Variants in DYNC1I1 observed in about 807,000 individuals in gnomAD.
The protein encoded by DYNC1I1 is dynein cytoplasmic 1 intermediate chain 1.
In DYNC1I1, 43 loss-of-function variants were observed where a neutral mutation model predicts 86.6. The ratio of observed to expected loss-of-function variants is 0.50; its 90% CI spans 0.39 to 0.64. The LOEUF is 0.64. DYNC1I1 is among the 30% of genes least tolerant of loss of function. The probability of loss-of-function intolerance (pLI) is 0.00; values close to 1 mark genes in which losing one functional copy is unlikely to be tolerated. For missense variants in DYNC1I1, 604 were observed against 788.8 expected (o/e 0.77, Z 2.81); for synonymous variants, 262 against 283.7 (o/e 0.92, Z 0.77).
intron 2 of DYNC1I1, among the ~76,000 whole-genome samples, chr7:95,808,619 C>T (rs1385042731): frequency 6.6e-6 from 1 of 152,164 alleles, no homozygotes; most frequent in Non-Finnish European, 1.5e-5. Flanking sequence ...CGAATTGCTG[C>T]AAGGTAGAAT....
At chr7:96,087,641 C>G (rs574372436) in intron 16 of DYNC1I1, among the ~76,000 whole-genome samples, 5 of 152,244 alleles carry the variant, frequency 3.3e-5, no homozygotes, top group African/African-American at 4.8e-5. Flanking sequence ...CCAGTGATAC[C>G]AAACATCCAG....
intron 12 of DYNC1I1, among the ~76,000 whole-genome samples, chr7:96,033,287 C>G (rs1460022343): frequency 2.6e-5 from 4 of 152,128 alleles, no homozygotes; most frequent in South Asian, 2.1e-4. Context: ...CCTGTCATTC[C>G]TTGCTCAGTA....
chr7:95,813,106 TTC>T, intron 3 of DYNC1I1, 139 bp from the exon 4 acceptor site: 10 of 1,413,152 alleles, frequency 7.1e-6, no homozygotes, highest in South Asian at 1.5e-5. Context: ...TTTTTTTTTT[TTC>T]TTTATCCCAT....
At chr7:95,900,012 C>G (rs1790995276) in intron 6 of DYNC1I1, among the ~76,000 whole-genome samples, 1 of 152,146 alleles carries the variant, frequency 6.6e-6, no homozygotes, top group South Asian at 2.1e-4. Flanking sequence ...AAGGAGGTAT[C>G]TGTTCCATGG....
chr7:95,818,062 G>A (rs13244429), intron 4 of DYNC1I1, among the ~76,000 whole-genome samples: 11,721 of 152,196 alleles, frequency 0.077, 584 homozygotes, highest in South Asian at 0.14. Context: ...ATCTCTCAAC[G>A]TGATAACATA....
At chr7:95,836,341 T>G (rs1187457848) in intron 5 of DYNC1I1, among the ~76,000 whole-genome samples, 8 of 152,112 alleles carry the variant, frequency 5.3e-5, no homozygotes, top group Non-Finnish European at 8.8e-5. Flanking sequence ...AGATCCGCTG[T>G]TAGTCTGATG....
intron 14 of DYNC1I1, among the ~76,000 whole-genome samples, chr7:96,066,244 C>T (rs937514934): frequency 6.6e-6 from 1 of 152,112 alleles, no homozygotes; most frequent in Non-Finnish European, 1.5e-5. Flanking sequence ...TTTTCCTTAC[C>T]ATCTGTCAAA....
chr7:95,902,036 T>C (rs1791049519), intron 6 of DYNC1I1, among the ~76,000 whole-genome samples: 1 of 152,208 alleles, frequency 6.6e-6, no homozygotes, highest in South Asian at 2.1e-4. Context: ...AGATGGGTTG[T>C]TTAGTATAAG....
intron 6 of DYNC1I1, among the ~76,000 whole-genome samples, chr7:95,879,570 A>G (rs1452694163): frequency 6.6e-6 from 1 of 152,212 alleles, no homozygotes; most frequent in Non-Finnish European, 1.5e-5. Context: ...TGTGGCATAA[A>G]GCAAGAAAGA....
chr7:95,854,906 C>T (rs1043325490), intron 5 of DYNC1I1, among the ~76,000 whole-genome samples: 2 of 152,156 alleles, frequency 1.3e-5, no homozygotes, highest in African/African-American at 4.8e-5. Flanking sequence ...ACAATATAAA[C>T]AGTTGGCTAC....
chr7:96,090,069 T>C (rs1790796354), intron 16 of DYNC1I1, among the ~76,000 whole-genome samples: 1 of 152,188 alleles, frequency 6.6e-6, no homozygotes, highest in Non-Finnish European at 1.5e-5. Context: ...CCAGCGTTTT[T>C]AGCATTTTCT....
chr7:95,792,826 A>G (rs1032848324), intron 1 of DYNC1I1, among the ~76,000 whole-genome samples: 30 of 151,858 alleles, frequency 2.0e-4, no homozygotes, highest in Non-Finnish European at 1.6e-4. Flanking sequence ...AGAAAGATGA[A>G]TAGGGGGCAT....
chr7:96,108,754 C>T (rs997531754), intron 16 of DYNC1I1, among the ~76,000 whole-genome samples: 2 of 150,704 alleles, frequency 1.3e-5, no homozygotes, highest in African/African-American at 2.4e-5. Flanking sequence ...CCCAGCTACT[C>T]GGGAGGCTGA....
At chr7:95,939,041 C>A (rs559324526) in intron 6 of DYNC1I1, among the ~76,000 whole-genome samples, 5 of 152,040 alleles carry the variant, frequency 3.3e-5, no homozygotes, top group Admixed American at 2.6e-4. Flanking sequence ...TTTCTGCCTT[C>A]CTTTCATTAT....
chr7:96,003,349 C>T (rs1794062791), intron 10 of DYNC1I1, among the ~76,000 whole-genome samples: 1 of 152,198 alleles, frequency 6.6e-6, no homozygotes, highest in South Asian at 2.1e-4. Context: ...TATTTAGAGA[C>T]TAACTGGCCA....
chr7:96,105,934 A>G (rs1029712418), intron 16 of DYNC1I1, among the ~76,000 whole-genome samples: 6 of 152,206 alleles, frequency 3.9e-5, no homozygotes, highest in Non-Finnish European at 8.8e-5. Context: ...ATGTATCCAT[A>G]TAAAGTTGTT....
chr7:95,860,350 A>G (rs1176821591), intron 5 of DYNC1I1, among the ~76,000 whole-genome samples: 1 of 152,192 alleles, frequency 6.6e-6, no homozygotes, highest in Non-Finnish European at 1.5e-5. Flanking sequence ...TAGAAGGAAG[A>G]AAATAGCACC....
In DYNC1I1 at chr7:95,984,898, C is replaced by T. The variant is rs775154382; in HGVS notation, c.664C>T (p.Arg222Trp). 51 of 1,613,246 alleles carry T rather than the reference C, an allele frequency of 3.2e-5. No homozygotes were observed. Among genetic ancestry groups the T allele is most frequent in the Non-Finnish European group, 3.6e-5 (43 of 1,179,666 alleles). The change falls in exon 8 of 17, where the codon CGG becomes TGG. Residue 222 changes from arginine to tryptophan, a missense_variant. By Grantham distance (101) the Arg-to-Trp change is moderately radical (BLOSUM62 -3). Coordinates refer to ENST00000447467, the MANE Select transcript of DYNC1I1 (RefSeq NM_001135556.2). ...TCTCATCTTTTTTGACCGGACAATA[C>T]GGGTAATTGAAAGAGCCCTGGCTGA... ...EFLIFFDRTIRVIERALAEDS... is the reference protein window; with the variant it reads ...EFLIFFDRTIWVIERALAEDS...
chr7:96,038,207 T>G (rs759411766), intron 13 of DYNC1I1, among the ~76,000 whole-genome samples: 2 of 152,228 alleles, frequency 1.3e-5, no homozygotes, highest in Non-Finnish European at 2.9e-5. Flanking sequence ...CTAAGCACAT[T>G]GACATTTATT....
Sources: allele counts gnomAD v4.1 joint callset (sites outside exome capture counted in the v4.1 genomes callset), GRCh38; gene constraint gnomAD v4.1.1; transcripts MANE v1.5; gene names NCBI Gene and HGNC (gene_info 2026-07-23, HGNC 2026-07-21).